Variants in USH2A observed in about 807,000 individuals in gnomAD.
The protein encoded by USH2A is Usher syndrome 2A (autosomal recessive, mild).
USH2A carries 443 observed loss-of-function variants against 538.9 expected under a neutral mutation model. The ratio of observed to expected loss-of-function variants is 0.82; its 90% CI spans 0.76 to 0.89. The LOEUF (loss-of-function observed/expected upper bound fraction) is 0.89. USH2A is among the 40% of genes least tolerant of loss of function. The probability of loss-of-function intolerance (pLI) is 0.00; values close to 1 mark genes in which losing one functional copy is unlikely to be tolerated. For missense variants in USH2A, 6,633 were observed against 6,324.8 expected, an observed-to-expected ratio of 1.05 and a Z score of -1.65; for synonymous variants, 2,413 against 2,273.5, an observed-to-expected ratio of 1.06 and a Z score of -1.75.
chr1:215,886,690 T>A (rs956127251), intron 41 of USH2A: 1 of 152,166 alleles, frequency 6.6e-6, no homozygotes, highest in Non-Finnish European at 1.5e-5. Flanking sequence ...TCTAAACTTC[T>A]CTAGCAGGCT....
chr1:216,151,688 C>T (rs2033836540), intron 21 of USH2A, among the ~76,000 whole-genome samples: 1 of 152,146 alleles, frequency 6.6e-6, no homozygotes, highest in Non-Finnish European at 1.5e-5. Context: ...TTACTCAATG[C>T]TGAAAAAGGA....
intron 61 of USH2A, among the ~76,000 whole-genome samples, chr1:215,715,771 A>T (rs1659464054): frequency 6.6e-6 from 1 of 152,220 alleles, no homozygotes. Flanking sequence ...TTTTTAAAAC[A>T]ATGTCCTTCA....
intron 44 of USH2A, among the ~76,000 whole-genome samples, chr1:215,854,941 G>A (rs1664120247): frequency 6.6e-6 from 1 of 152,192 alleles, no homozygotes; most frequent in Admixed American, 6.5e-5. Flanking sequence ...ATTCATCCAT[G>A]CAAGCTTCCA....
At position 215,741,508 on chromosome 1, in the gene USH2A, C is replaced by T; in HGVS notation, c.11578G>A (p.Val3860Ile). ...ATTGGGGCTGCTTCAGGTGTTTTGACAAACATCCTACTGCTAACTCCACAA... is the reference window on the plus strand; with the variant it reads ...ATTGGGGCTGCTTCAGGTGTTTTGATAAACATCCTACTGCTAACTCCACAA... Reference protein sequence around the residue: ...GSCGVSSRMFVKTPEAAPMDL... With the variant: ...GSCGVSSRMFIKTPEAAPMDL... Residue 3860 changes from valine (V) to isoleucine (I), a missense_variant, in exon 60 of 72, where the codon GTC becomes ATC. Val to Ile is a conservative substitution (Grantham distance 29, BLOSUM62 3). Coordinates refer to ENST00000307340, the MANE Select transcript of USH2A (RefSeq NM_206933.4). 1 of 1,611,050 alleles carries T rather than the reference C, an allele frequency of 6.2e-7. No individual in the cohort carries two copies. The highest frequency in any genetic ancestry group is 1.7e-4 in the Middle Eastern group (1 of 6,052).
intron 35 of USH2A, among the ~76,000 whole-genome samples, chr1:215,992,314 T>C (rs1039842524): frequency 2.0e-5 from 3 of 152,176 alleles, no homozygotes; most frequent in East Asian, 1.9e-4. Context: ...CTATGTTATA[T>C]GAACCTTAAA....
At chr1:216,324,045 G>A in intron 7 of USH2A, 123 bp downstream of exon 7, 2 of 1,079,036 alleles carry the variant, frequency 1.9e-6, no homozygotes, top group Non-Finnish European at 2.7e-6. Flanking sequence ...TAAGACTTAG[G>A]AGAATCTGCC....
At chr1:215,819,762 T>G (rs573935081) in intron 47 of USH2A, among the ~76,000 whole-genome samples, 1 of 151,894 alleles carries the variant, frequency 6.6e-6, no homozygotes, top group East Asian at 1.9e-4. Flanking sequence ...AACTGTTAAG[T>G]GAGACCGCCT....
intron 3 of USH2A, among the ~76,000 whole-genome samples, chr1:216,370,068 C>T (rs1207415807): frequency 6.6e-6 from 1 of 151,770 alleles, no homozygotes; most frequent in Non-Finnish European, 1.5e-5. Flanking sequence ...GGATTGAAAA[C>T]AAAAATTTGG....
intron 3 of USH2A, among the ~76,000 whole-genome samples, chr1:216,391,164 T>C (rs1477746826): frequency 6.6e-6 from 1 of 152,226 alleles, no homozygotes; most frequent in Non-Finnish European, 1.5e-5. Flanking sequence ...ATGCTTAAGC[T>C]GGTGCTATGA....
intron 32 of USH2A, among the ~76,000 whole-genome samples, chr1:216,027,246 G>A (rs532797693): frequency 1.8e-4 from 28 of 152,212 alleles, no homozygotes; most frequent in Middle Eastern, 3.4e-3. Context: ...AAATTTGGAT[G>A]GGAATAAAGA....
chr1:216,025,277 T>C (rs561187518), intron 32 of USH2A, among the ~76,000 whole-genome samples: 3 of 152,036 alleles, frequency 2.0e-5, no homozygotes, highest in African/African-American at 7.2e-5. Context: ...TATACACATT[T>C]AATTTGTCTT....
At chr1:215,701,249 G>A (rs557837510) in intron 61 of USH2A, among the ~76,000 whole-genome samples, 112 of 152,308 alleles carry the variant, frequency 7.4e-4, no homozygotes, top group African/African-American at 2.6e-3. Flanking sequence ...TAGAATAAGT[G>A]TGATGTGGTG....
intron 37 of USH2A, among the ~76,000 whole-genome samples, chr1:215,956,293 C>A (rs1667068178): frequency 1.3e-5 from 2 of 152,194 alleles, no homozygotes; most frequent in South Asian, 4.1e-4. Flanking sequence ...CCACGGCTGG[C>A]TTATCCAGTT....
chr1:215,692,912 ATT>A (rs896451442), intron 61 of USH2A, among the ~76,000 whole-genome samples: 1 of 149,324 alleles, frequency 6.7e-6, no homozygotes, highest in Non-Finnish European at 1.5e-5. Context: ...TTCGTTTTTA[ATT>A]TTTTTTTGAG....
At chr1:216,334,135 C>T (rs2037924519) in intron 4 of USH2A, among the ~76,000 whole-genome samples, 1 of 151,852 alleles carries the variant, frequency 6.6e-6, no homozygotes, top group Admixed American at 6.6e-5. Flanking sequence ...CTTTATAAAG[C>T]AATAATTATA....
chr1:216,370,701 A>AAAAAAAAAAAAAG, intron 3 of USH2A, among the ~76,000 whole-genome samples: 1 of 150,380 alleles, frequency 6.6e-6, no homozygotes, highest in Non-Finnish European at 1.5e-5. Flanking sequence ...AAAAAAAAAA[A>AAAAAAAAAAAAAG]ATACTCAAGG....
chr1:215,924,738 C>T (rs1012785683), intron 38 of USH2A, among the ~76,000 whole-genome samples: 1 of 151,876 alleles, frequency 6.6e-6, no homozygotes, highest in Non-Finnish European at 1.5e-5. Flanking sequence ...CAATATTTCC[C>T]ACCCCTCTCC....
In USH2A at chr1:215,673,327, C is replaced by T. The variant is rs201510303; in HGVS notation, c.13811+773G>A. ...TACCTGAGGTAGTTGGAAATCAACA[C>T]TCTTTCAGCCTTTAATTTTTTTAAG... On this transcript the variant is annotated intron_variant, in intron 63 of 71. Transcript: ENST00000307340. Among the ~76,000 whole-genome samples the T allele has an allele frequency of 2.0e-5, 3 of 152,206 alleles. No homozygotes were observed. The East Asian group carries it at 5.8e-4, about 29-fold the overall frequency.
intron 4 of USH2A, among the ~76,000 whole-genome samples, chr1:216,355,515 C>T (rs2038377739): frequency 6.6e-6 from 1 of 151,996 alleles, no homozygotes; most frequent in Admixed American, 6.6e-5. Flanking sequence ...ATGTAGAATT[C>T]TATATCAAAT....
Sources: allele counts gnomAD v4.1 joint callset (sites outside exome capture counted in the v4.1 genomes callset), GRCh38; gene constraint gnomAD v4.1.1; transcripts MANE v1.5; gene names NCBI Gene and HGNC (gene_info 2026-07-23, HGNC 2026-07-21).